GABRB1: variants seen among roughly 807,000 people sequenced by gnomAD.
The protein encoded by GABRB1 is gamma-aminobutyric acid receptor subunit beta-1.
GABRB1 carries 17 observed loss-of-function variants against 51.6 expected under a neutral mutation model. The observed-to-expected ratio is 0.33, with a 90% CI of 0.23 to 0.49. The LOEUF (loss-of-function observed/expected upper bound fraction) is 0.49. Ranked by LOEUF, GABRB1 falls within the 20% of genes least tolerant of loss-of-function variation. The pLI is 0.99. For missense variants in GABRB1, 410 were observed against 600.6 expected (o/e 0.68, Z 3.32); for synonymous variants, 247 against 218.9 (o/e 1.13, Z -1.14).
chr4:47,047,128 A>G (rs957772178), intron 3 of GABRB1, among the ~76,000 whole-genome samples: 4 of 152,014 alleles, frequency 2.6e-5, no homozygotes, highest in Non-Finnish European at 5.9e-5. Flanking sequence ...TTTCACATGT[A>G]CTCCTCTGAA....
At chr4:47,310,799 A>G (rs1021961747) in intron 4 of GABRB1, among the ~76,000 whole-genome samples, 1 of 152,180 alleles carries the variant, frequency 6.6e-6, no homozygotes, top group African/African-American at 2.4e-5. Flanking sequence ...AAAGATGTCC[A>G]TGTCCTAAAT....
At chr4:47,135,318 A>T (rs1716594879) in intron 3 of GABRB1, among the ~76,000 whole-genome samples, 1 of 152,086 alleles carries the variant, frequency 6.6e-6, no homozygotes, top group African/African-American at 2.4e-5. Flanking sequence ...TAGCAGTTTG[A>T]TAAGAGGATA....
chr4:47,047,861 G>C (rs1054470887), intron 3 of GABRB1, among the ~76,000 whole-genome samples: 1 of 152,082 alleles, frequency 6.6e-6, no homozygotes, highest in Non-Finnish European at 1.5e-5. Flanking sequence ...ATCTTAACTT[G>C]AGAAGGAAAT....
At chr4:47,246,330 ATATG>A (rs1721746098) in intron 4 of GABRB1, among the ~76,000 whole-genome samples, 4 of 65,176 alleles carry the variant, frequency 6.1e-5, no homozygotes, top group East Asian at 3.9e-4. Flanking sequence ...ACACACACAC[ATATG>A]TACATATATA....
intron 4 of GABRB1, among the ~76,000 whole-genome samples, chr4:47,170,121 A>C (rs1039727844): frequency 1.2e-4 from 19 of 152,024 alleles, no homozygotes; most frequent in Admixed American, 9.8e-4. Context: ...TTAACTAAAA[A>C]CCTGTGACCT....
At chr4:47,226,199 A>G (rs963994733) in intron 4 of GABRB1, among the ~76,000 whole-genome samples, 2 of 152,214 alleles carry the variant, frequency 1.3e-5, no homozygotes, top group African/African-American at 4.8e-5. Flanking sequence ...TAGATGTGAT[A>G]CTGTCAAATT....
At chr4:47,398,033 C>G (rs753977383) in intron 5 of GABRB1, among the ~76,000 whole-genome samples, 8 of 152,172 alleles carry the variant, frequency 5.3e-5, no homozygotes, top group South Asian at 2.1e-4. Flanking sequence ...ATATGCTATG[C>G]CTTTTATTTG....
intron 5 of GABRB1, among the ~76,000 whole-genome samples, chr4:47,355,679 A>G (rs1482373986): frequency 1.3e-5 from 2 of 152,192 alleles, no homozygotes; most frequent in Non-Finnish European, 2.9e-5. Context: ...TCAATTTGGT[A>G]GGCCTAATTA....
At chr4:47,083,297 T>A (rs1005819374) in intron 3 of GABRB1, among the ~76,000 whole-genome samples, 1 of 152,132 alleles carries the variant, frequency 6.6e-6, no homozygotes, top group Non-Finnish European at 1.5e-5. Context: ...GACCTATGCT[T>A]CTTATTACAT....
chr4:47,106,166 G>A (rs924601510), intron 3 of GABRB1, among the ~76,000 whole-genome samples: 3 of 151,922 alleles, frequency 2.0e-5, no homozygotes, highest in Admixed American at 6.6e-5. Flanking sequence ...GTTTTTATTT[G>A]ATCCATACAG....
intron 3 of GABRB1, among the ~76,000 whole-genome samples, chr4:47,128,618 T>G (rs1716272846): frequency 6.6e-6 from 1 of 152,044 alleles, no homozygotes; most frequent in African/African-American, 2.4e-5. Context: ...AATCATATCA[T>G]GTAGCCAATT....
chr4:47,376,962 G>T (rs1475292886), intron 5 of GABRB1, among the ~76,000 whole-genome samples: 2 of 152,004 alleles, frequency 1.3e-5, no homozygotes, highest in Non-Finnish European at 2.9e-5. Flanking sequence ...ATAACATTTT[G>T]TATAGCCCTT....
chr4:47,111,591 T>C (rs1003261147), intron 3 of GABRB1, among the ~76,000 whole-genome samples: 11 of 152,220 alleles, frequency 7.2e-5, no homozygotes, highest in African/African-American at 2.6e-4. Context: ...AGGCCAAGCA[T>C]GGTGGCTCAC....
At chr4:47,187,838 A>G (rs1719251635) in intron 4 of GABRB1, among the ~76,000 whole-genome samples, 1 of 151,920 alleles carries the variant, frequency 6.6e-6, no homozygotes, top group Admixed American at 6.6e-5. Context: ...ATACATGCCA[A>G]GTGGACTTCT....
intron 3 of GABRB1, among the ~76,000 whole-genome samples, chr4:47,119,298 C>A (rs910597990): frequency 1.3e-5 from 2 of 151,692 alleles, no homozygotes; most frequent in Non-Finnish European, 2.9e-5. Flanking sequence ...ATACATAAAA[C>A]CCAAAGTAAA....
rs577036127 is a variant in GABRB1 at position 47,063,900 on chromosome 4, G to A, written c.240+31416G>A. Among the ~76,000 whole-genome samples the A allele has an allele frequency of 2.8e-3, 427 of 152,170 alleles. 1 individual carries two copies. The highest frequency in any genetic ancestry group is 5.1e-3 in the Non-Finnish European group (349 of 68,010). On this transcript the variant is annotated intron_variant, in intron 3 of 8. Transcript: ENST00000295454. ...GGCCTGTCAGGGGAGGGCAGGGCTG[G>A]GGGAGAGCATTAGAGAAAAGAGCTA...
chr4:46,997,028 T>C (rs189882400), intron 1 of GABRB1, among the ~76,000 whole-genome samples: 1 of 152,274 alleles, frequency 6.6e-6, no homozygotes, highest in East Asian at 1.9e-4. Context: ...TGTTAATGTA[T>C]TTCTCTGTCC....
chr4:47,338,355 C>T (rs1725771055), intron 5 of GABRB1, among the ~76,000 whole-genome samples: 1 of 152,256 alleles, frequency 6.6e-6, no homozygotes, highest in African/African-American at 2.4e-5. Context: ...ATGACTACAT[C>T]CTAGTCCGTC....
In GABRB1 at chr4:46,997,062, G is replaced by T. The variant is rs75476264; in HGVS notation, c.-20+3136G>T. Among the ~76,000 whole-genome samples the T allele has an allele frequency of 1.2e-3, 180 of 152,176 alleles. 1 individual carries two copies. Among genetic ancestry groups the T allele is most frequent in the Non-Finnish European group, 2.0e-3 (138 of 67,934 alleles). On this transcript the variant is annotated intron_variant, in intron 1 of 3. Coordinates refer to the GABRB1 transcript ENST00000513567. ...CCCTCGTATTTTGCATAGGTGGGAA[G>T]AATTGATTTAATAGTCTCTTAGTTA... is the stretch of plus-strand genomic sequence containing the variant.
Sources: allele counts gnomAD v4.1 joint callset (sites outside exome capture counted in the v4.1 genomes callset), GRCh38; gene constraint gnomAD v4.1.1; transcripts MANE v1.5; gene names NCBI Gene and HGNC (gene_info 2026-07-23, HGNC 2026-07-21).